Variants in GRIA4 observed in about 807,000 individuals in gnomAD.
The protein encoded by GRIA4 is glutamate ionotropic receptor AMPA type subunit 4, also known as glutamate receptor 4.
GRIA4 carries 34 observed loss-of-function variants against 104.0 expected under a neutral mutation model. The observed-to-expected ratio is 0.33, with a 90% CI of 0.25 to 0.44. GRIA4 has a LOEUF of 0.44. Among genes scored for constraint, GRIA4 ranks in the 20% least tolerant of loss-of-function variants. GRIA4 has a pLI of 1.00. For synonymous variants in GRIA4, 386 were observed against 381.9 expected (o/e 1.01, Z -0.13); for missense variants, 750 against 1,096.5 (o/e 0.68, Z 4.46).
chr11:105,744,129 G>A (rs1441342552), intron 3 of GRIA4, among the ~76,000 whole-genome samples: 10 of 152,100 alleles, frequency 6.6e-5, no homozygotes, highest in Non-Finnish European at 4.4e-5. Context: ...AATTCCCTCT[G>A]ACTGTTCCTT....
chr11:105,752,948 A>T, intron 3 of GRIA4, 33 bp from the exon 4 acceptor site: 1 of 1,602,540 alleles, frequency 6.2e-7, no homozygotes, highest in Non-Finnish European at 8.5e-7. Context: ...GAGTGTGCTA[A>T]TAGTTTGTGG....
intron 4 of GRIA4, among the ~76,000 whole-genome samples, chr11:105,823,708 A>C (rs1238056637): frequency 6.6e-6 from 1 of 152,074 alleles, no homozygotes; most frequent in Non-Finnish European, 1.5e-5. Flanking sequence ...TGCTCCAGAT[A>C]ATTATTGCCT....
At chr11:105,846,436 A>G (rs1202702225) in intron 4 of GRIA4, among the ~76,000 whole-genome samples, 1 of 152,136 alleles carries the variant, frequency 6.6e-6, no homozygotes, top group Non-Finnish European at 1.5e-5. Flanking sequence ...TTAATATACA[A>G]TGAATGCATG....
chr11:105,752,222 C>T (rs1450049657), intron 3 of GRIA4, among the ~76,000 whole-genome samples: 1 of 152,010 alleles, frequency 6.6e-6, no homozygotes, highest in African/African-American at 2.4e-5. Context: ...AAGATGAGGC[C>T]GTGTACCTGT....
chr11:105,667,932 C>T (rs867635164), intron 3 of GRIA4, among the ~76,000 whole-genome samples: 5 of 151,760 alleles, frequency 3.3e-5, no homozygotes, highest in Non-Finnish European at 7.4e-5. Context: ...CTATGCTGTA[C>T]ATAAATCTCC....
intron 3 of GRIA4, among the ~76,000 whole-genome samples, chr11:105,629,248 AAAATAAATAAAT>A (rs56314166): frequency 0.3 from 43,578 of 146,788 alleles, 6,768 homozygotes; most frequent in Middle Eastern, 0.5. Context: ...AAATAAACTA[AAAATAAATAAAT>A]AAATAAATAA....
intron 14 of GRIA4, among the ~76,000 whole-genome samples, chr11:105,958,295 T>C (rs1018908200): frequency 6.6e-6 from 1 of 152,240 alleles, no homozygotes; most frequent in African/African-American, 2.4e-5. Flanking sequence ...CATCAATACC[T>C]AGTTTATTGA....
At chr11:105,829,053 A>G (rs1335381114) in intron 4 of GRIA4, among the ~76,000 whole-genome samples, 6 of 150,822 alleles carry the variant, frequency 4.0e-5, no homozygotes, top group African/African-American at 1.5e-4. Context: ...TCATCTAACA[A>G]TAACAGCTGC....
chr11:105,811,947 ACCT>A (rs1157624983), intron 4 of GRIA4, among the ~76,000 whole-genome samples: 7 of 151,534 alleles, frequency 4.6e-5, no homozygotes, highest in Non-Finnish European at 1.0e-4. Context: ...CCTGAGTTTC[ACCT>A]CCTCCCCTCT....
chr11:105,877,664 T>C (rs1348837358), intron 5 of GRIA4, among the ~76,000 whole-genome samples: 1 of 152,196 alleles, frequency 6.6e-6, no homozygotes, highest in Non-Finnish European at 1.5e-5. Flanking sequence ...AATTGATCTT[T>C]AATCTCTGAT....
intron 5 of GRIA4, among the ~76,000 whole-genome samples, chr11:105,880,619 G>GA (rs1014776240): frequency 1.3e-4 from 20 of 151,986 alleles, no homozygotes; most frequent in Admixed American, 3.3e-4. Flanking sequence ...GGAATAGTCA[G>GA]AAAAAGAAAT....
intron 4 of GRIA4, among the ~76,000 whole-genome samples, chr11:105,800,948 T>C (rs1424425963): frequency 6.6e-6 from 1 of 151,950 alleles, no homozygotes; most frequent in African/African-American, 2.4e-5. Flanking sequence ...GGAAGTCAAC[T>C]CAGAACCTAA....
rs573266670 is a variant in GRIA4, at chr11:105,645,723, A to T, written c.247+33289A>T. Among the ~76,000 whole-genome samples the T allele has an allele frequency of 3.5e-4, 54 of 152,338 alleles. No homozygotes were observed. The South Asian group carries it at 6.4e-3, about 18-fold the overall frequency. On this transcript the variant is annotated intron_variant, in intron 3 of 16. Coordinates refer to ENST00000282499, the MANE Select transcript of GRIA4 (RefSeq NM_000829.4). ...GATACAGTGGAAAAAAATAGCACAC[A>T]ATGTAGAGCTGCAGAACCAGAACAA...
At chr11:105,851,995 C>A (rs1002259244) in intron 4 of GRIA4, among the ~76,000 whole-genome samples, 1 of 152,080 alleles carries the variant, frequency 6.6e-6, no homozygotes, top group Admixed American at 6.5e-5. Context: ...AAATGCTCAA[C>A]AAATATTCAT....
chr11:105,773,722 G>A (rs552791308), intron 4 of GRIA4, among the ~76,000 whole-genome samples: 3 of 152,078 alleles, frequency 2.0e-5, no homozygotes, highest in African/African-American at 7.2e-5. Flanking sequence ...GCCAATCAAG[G>A]TTGCTAAGGT....
chr11:105,726,869 T>G (rs1292770041), intron 3 of GRIA4, among the ~76,000 whole-genome samples: 1 of 150,766 alleles, frequency 6.6e-6, no homozygotes, highest in Middle Eastern at 3.5e-3. Flanking sequence ...AAGCAAAAAC[T>G]CCATCCAAAG....
At position 105,903,601 on chromosome 11, in the gene GRIA4, CT is replaced by C. The variant is rs143612287; in HGVS notation, c.886-208del. ...TCTATTTTTCAGAATGGTTTTTCTCCTTTTTAAGTCAGGATGATAAGATTTG... is the reference window on the plus strand; with the variant it reads ...TCTATTTTTCAGAATGGTTTTTCTCCTTTTAAGTCAGGATGATAAGATTTG... On this transcript the variant is annotated intron_variant, in intron 7 of 16. Transcript: ENST00000282499. Among the ~76,000 whole-genome samples, 914 of 152,146 alleles carry C rather than the reference CT, an allele frequency of 6.0e-3. 6 individuals are homozygous for C. The highest frequency in any genetic ancestry group is 0.021 in the African/African-American group (851 of 41,508).
intron 14 of GRIA4, among the ~76,000 whole-genome samples, chr11:105,946,659 G>C (rs1373372331): frequency 2.6e-5 from 4 of 151,742 alleles, no homozygotes; most frequent in Non-Finnish European, 5.9e-5. Context: ...AAGAAAAATA[G>C]ACCATAGGGA....
intron 4 of GRIA4, among the ~76,000 whole-genome samples, chr11:105,794,463 GTATATGTATGTATATATATATA>G (rs1942368235): frequency 2.5e-5 from 1 of 39,302 alleles, no homozygotes; most frequent in Non-Finnish European, 4.5e-5. Context: ...CTGTGTGTGT[GTATATGTATGTATATATATATA>G]TATATATATA....
Sources: gnomAD v4.1 joint callset for allele counts (sites outside exome capture counted in the v4.1 genomes callset) on GRCh38, gnomAD v4.1.1 for gene constraint, MANE v1.5 for transcripts, NCBI Gene and HGNC (gene_info 2026-07-23, HGNC 2026-07-21) for gene names.